FHIT: variants seen among roughly 807,000 people sequenced by gnomAD.
FHIT encodes bis(5'-adenosyl)-triphosphatase.
FHIT carries 19 observed loss-of-function variants against 17.9 expected under a neutral mutation model. The ratio of observed to expected loss-of-function variants is 1.06; its 90% CI spans 0.74 to 1.56. FHIT has a LOEUF of 1.56. Among genes scored for constraint, FHIT ranks in the 40% most tolerant of loss-of-function variants. The pLI, the probability that FHIT is intolerant of heterozygous loss-of-function variation, is 0.00. For missense variants in FHIT, 248 were observed against 189.2 expected (o/e 1.31, Z -1.82); for synonymous variants, 81 against 69.7 (o/e 1.16, Z -0.81).
At chr3:60,646,290 TAC>T (rs1553686696) in intron 4 of FHIT, among the ~76,000 whole-genome samples, 2 of 152,128 alleles carry the variant, frequency 1.3e-5, no homozygotes, top group African/African-American at 2.4e-5. Flanking sequence ...TATATATATA[TAC>T]ATTTACGCAC....
At chr3:60,265,163 T>C (rs1706506515) in intron 5 of FHIT, among the ~76,000 whole-genome samples, 1 of 152,008 alleles carries the variant, frequency 6.6e-6, no homozygotes. Context: ...TATTAAAGTT[T>C]GTTTTCTTTA....
At chr3:60,308,717 T>C (rs1207599942) in intron 5 of FHIT, among the ~76,000 whole-genome samples, 1 of 152,102 alleles carries the variant, frequency 6.6e-6, no homozygotes, top group East Asian at 1.9e-4. Flanking sequence ...ATGTTCAGCA[T>C]AGGACCTGGG....
At chr3:59,885,607 C>G (rs1703590109) in intron 8 of FHIT, among the ~76,000 whole-genome samples, 1 of 152,128 alleles carries the variant, frequency 6.6e-6, no homozygotes, top group South Asian at 2.1e-4. Flanking sequence ...GCCAGCTTCA[C>G]ATCCTAACTG....
intron 8 of FHIT, among the ~76,000 whole-genome samples, chr3:59,781,844 G>A (rs1473903980): frequency 6.6e-6 from 1 of 152,184 alleles, no homozygotes; most frequent in African/African-American, 2.4e-5. Context: ...GGGTAACCTT[G>A]GCAAGTTGCC....
intron 4 of FHIT, among the ~76,000 whole-genome samples, chr3:60,602,416 A>G (rs1320386759): frequency 2.0e-5 from 3 of 152,226 alleles, no homozygotes; most frequent in African/African-American, 7.2e-5. Context: ...AGAATGTCCT[A>G]TCAGCCAAGT....
At chr3:60,294,217 C>T (rs17062710) in intron 5 of FHIT, among the ~76,000 whole-genome samples, 2,262 of 152,180 alleles carry the variant, frequency 0.015, 54 homozygotes, top group African/African-American at 0.052. Context: ...AAACAGACCA[C>T]GCAAAGCACA....
intron 7 of FHIT, among the ~76,000 whole-genome samples, chr3:60,008,057 C>T (rs1368634845): frequency 2.0e-5 from 3 of 152,098 alleles, no homozygotes; most frequent in Non-Finnish European, 4.4e-5. Context: ...TCCAGGTCCT[C>T]ACAAAGCTTA....
intron 4 of FHIT, among the ~76,000 whole-genome samples, chr3:60,657,025 A>C (rs2040133015): frequency 6.6e-6 from 1 of 151,874 alleles, no homozygotes; most frequent in South Asian, 2.1e-4. Flanking sequence ...TGAATACTTT[A>C]GACAAATTCA....
chr3:59,833,234 A>G (rs1474854215), intron 8 of FHIT, among the ~76,000 whole-genome samples: 2 of 152,122 alleles, frequency 1.3e-5, no homozygotes, highest in African/African-American at 2.4e-5. Context: ...TACTACCTCA[A>G]TATGTGACAT....
intron 7 of FHIT, among the ~76,000 whole-genome samples, chr3:59,945,910 A>AT (rs1706779494): frequency 6.6e-6 from 1 of 152,280 alleles, no homozygotes; most frequent in Non-Finnish European, 1.5e-5. Context: ...TACCAGTACC[A>AT]TGCTGTTTTG....
chr3:60,299,014 T>A (rs1282087821), intron 5 of FHIT, among the ~76,000 whole-genome samples: 1 of 152,132 alleles, frequency 6.6e-6, no homozygotes, highest in Non-Finnish European at 1.5e-5. Context: ...TACTGTGGCA[T>A]GTGCACTGGT....
intron 5 of FHIT, among the ~76,000 whole-genome samples, chr3:60,079,037 C>T (rs1020626944): frequency 6.6e-6 from 1 of 152,178 alleles, no homozygotes; most frequent in Middle Eastern, 3.4e-3. Context: ...AGGCTCGGCT[C>T]CCCCTTTGCA....
chr3:60,562,402 G>T (rs961394614), intron 4 of FHIT, among the ~76,000 whole-genome samples: 1 of 152,150 alleles, frequency 6.6e-6, no homozygotes, highest in Non-Finnish European at 1.5e-5. Flanking sequence ...CAGGACTGTT[G>T]TTTGAGATAA....
At position 60,960,649 on chromosome 3, in the gene FHIT, T is replaced by C. The variant is rs1237647734; in HGVS notation, c.-111+81398A>G. On this transcript the variant is annotated intron_variant, in intron 3 of 9. Coordinates refer to ENST00000492590, the MANE Select transcript of FHIT (RefSeq NM_002012.4). ...TCCATCCTGTGTCTATGTGTTCTCA[T>C]TGTTCAATTCCCACCTATGAGTGAG... is the stretch of plus-strand genomic sequence containing the variant. 7.9e-5 allele frequency among the ~76,000 whole-genome samples: 12 copies of C among 152,180 alleles called. 1 individual carries two copies. The highest frequency in any genetic ancestry group is 2.9e-4 in the African/African-American group (12 of 41,448).
chr3:59,970,125 C>G (rs1708108951), intron 7 of FHIT, among the ~76,000 whole-genome samples: 1 of 152,036 alleles, frequency 6.6e-6, no homozygotes, highest in African/African-American at 2.4e-5. Flanking sequence ...AAGTTTACCT[C>G]TGGCAAGACA....
chr3:60,076,108 G>A (rs560117599), intron 5 of FHIT, among the ~76,000 whole-genome samples: 11 of 152,130 alleles, frequency 7.2e-5, no homozygotes, highest in Admixed American at 2.6e-4. Context: ...ACATCAAGAC[G>A]TAATCATCTA....
intron 4 of FHIT, among the ~76,000 whole-genome samples, chr3:60,626,253 C>T (rs776791026): frequency 2.0e-5 from 3 of 152,114 alleles, no homozygotes; most frequent in Non-Finnish European, 2.9e-5. Flanking sequence ...TCAAGTTTTA[C>T]AACAATATCT....
At chr3:60,561,288 G>A (rs2036936497) in intron 4 of FHIT, among the ~76,000 whole-genome samples, 1 of 152,018 alleles carries the variant, frequency 6.6e-6, no homozygotes, top group African/African-American at 2.4e-5. Flanking sequence ...CAATACTCAA[G>A]GTCAAGCTCT....
intron 5 of FHIT, among the ~76,000 whole-genome samples, chr3:60,134,507 T>C (rs1275312231): frequency 1.3e-5 from 2 of 152,212 alleles, no homozygotes; most frequent in Non-Finnish European, 2.9e-5. Context: ...CATAGGTTTA[T>C]ACCTACATAG....
Sources: gnomAD v4.1 joint callset for allele counts (sites outside exome capture counted in the v4.1 genomes callset) on GRCh38, gnomAD v4.1.1 for gene constraint, MANE v1.5 for transcripts, NCBI Gene and HGNC (gene_info 2026-07-23, HGNC 2026-07-21) for gene names.